The following ADCY9 variants were observed in gnomAD, a reference collection of about 807,000 sequenced individuals.
The protein encoded by ADCY9 is adenylate cyclase type 9.
ADCY9 carries 50 observed loss-of-function variants against 101.5 expected under a neutral mutation model. The observed-to-expected ratio is 0.49, with a 90% CI of 0.39 to 0.62. The LOEUF (loss-of-function observed/expected upper bound fraction) is 0.62, where lower values mean the gene tolerates loss of function less well. Ranked by LOEUF, ADCY9 falls within the 20% of genes least tolerant of loss-of-function variation. The probability of loss-of-function intolerance (pLI) is 0.00; values close to 1 mark genes in which losing one functional copy is unlikely to be tolerated. For synonymous variants in ADCY9, 905 were observed against 769.3 expected, an observed-to-expected ratio of 1.18 and a Z score of -2.92; for missense variants, 1,662 against 1,800.4, an observed-to-expected ratio of 0.92 and a Z score of 1.39.
Position 3,966,573 on chromosome 16 carries a change from G to T in ADCY9, c.3264C>A (p.Leu1088=), listed in dbSNP as rs771254215. ...TTAGGAGCTCGTCAAAGTCCCCGAT[G>T]AGCTCGTTGAGGACCCGGTAGCACT... is the stretch of plus-strand genomic sequence containing the variant. ...GKECYRVLNE[L]IGDFDELLSK... Residue 1088 remains leucine, a synonymous_variant, in exon 11 of 11, where the codon CTC becomes CTA. Transcript: ENST00000294016. 1.2e-6 allele frequency: 2 copies of T among 1,614,030 alleles called. No homozygotes were observed. Among genetic ancestry groups the T allele is most frequent in the South Asian group, 2.2e-5 (2 of 91,074 alleles).
chr16:4,055,965 G>C (rs890614202), intron 2 of ADCY9, among the ~76,000 whole-genome samples: 4 of 152,132 alleles, frequency 2.6e-5, no homozygotes, highest in African/African-American at 4.8e-5. Context: ...GCGCTGCAAC[G>C]ACTGGGTGAC....
intron 2 of ADCY9, among the ~76,000 whole-genome samples, chr16:4,038,027 A>T (rs964585106): frequency 2.0e-5 from 3 of 152,194 alleles, no homozygotes; most frequent in South Asian, 2.1e-4. Context: ...TAATCCCAAC[A>T]GTTTGGGAGG....
rs2055991136 is a variant in ADCY9, at chr16:3,966,086, T to C, written c.3751A>G (p.Ile1251Val). The change falls in exon 11 of 11, where the codon ATC becomes GTC. Residue 1251 changes from isoleucine to valine, a missense_variant. Coordinates refer to ENST00000294016, the MANE Select transcript of ADCY9 (RefSeq NM_001116.4). ...GAGATGGACAGCTGGTGCTGTGGGA[T>C]GACCCTGTGATCCGTGCACTTTGGG... ...LYPKCTDHRV[I>V]PQHQLSISPD... The C allele has an allele frequency of 6.2e-7, 1 of 1,614,128 alleles. No homozygotes were observed. The highest frequency in any genetic ancestry group is 1.7e-5 in the Admixed American group (1 of 60,016).
At chr16:4,052,846 G>A (rs2141151065) in intron 2 of ADCY9, among the ~76,000 whole-genome samples, 1 of 152,264 alleles carries the variant, frequency 6.6e-6, no homozygotes, top group Non-Finnish European at 1.5e-5. Context: ...GCTGGGGCGG[G>A]GTCCCGTTTC....
intron 2 of ADCY9, among the ~76,000 whole-genome samples, chr16:4,108,360 A>ACTTTTTT (rs2057091277): frequency 1.9e-5 from 1 of 53,712 alleles, no homozygotes. Context: ...CCGTTTCTTC[A>ACTTTTTT]TTTTTTTTTT....
At chr16:4,077,941 G>C (rs996120610) in intron 2 of ADCY9, among the ~76,000 whole-genome samples, 1 of 151,726 alleles carries the variant, frequency 6.6e-6, no homozygotes, top group Non-Finnish European at 1.5e-5. Context: ...AGAGGTGGTA[G>C]TGAGCCAAGA....
At chr16:4,078,760 T>C (rs1327410583) in intron 2 of ADCY9, among the ~76,000 whole-genome samples, 2 of 151,972 alleles carry the variant, frequency 1.3e-5, no homozygotes, top group Non-Finnish European at 2.9e-5. Context: ...AAAGACAAAT[T>C]AGAAAATGGG....
chr16:4,029,250 CA>C (rs1390464765), intron 2 of ADCY9, among the ~76,000 whole-genome samples: 2 of 151,626 alleles, frequency 1.3e-5, no homozygotes, highest in South Asian at 2.1e-4. Flanking sequence ...AGAAATAGGA[CA>C]AAAAAAGTCC....
downstream of ADCY9, among the ~76,000 whole-genome samples, chr16:3,961,796 C>T (rs1046445732): frequency 8.5e-5 from 13 of 152,120 alleles, no homozygotes; most frequent in African/African-American, 2.7e-4. Context: ...GAGGCTGAGG[C>T]GCACGGATCA....
In ADCY9 at chr16:3,965,713, C is replaced by T; in HGVS notation, c.*62G>A. On this transcript the variant is annotated 3_prime_UTR_variant, in exon 11 of 11. Coordinates refer to ENST00000294016, the MANE Select transcript of ADCY9 (RefSeq NM_001116.4). ...TGTGGCGCTTGGAAAGCACAACAGC[C>T]AAATACAAATATTACTGTGTTTCGA... 6.7e-7 allele frequency: 1 copy of T among 1,498,272 alleles called. No individual in the cohort carries two copies. Among genetic ancestry groups the T allele is most frequent in the Non-Finnish European group, 9.1e-7 (1 of 1,101,802 alleles). The allele number at this position is 1,498,272 out of a possible 1,614,324, so 92.8% of individuals were successfully genotyped here. A position where few individuals can be genotyped will look rare whatever the true frequency, so the allele number is the denominator to read the frequency against.
chr16:4,055,321 T>C (rs2056730568), intron 2 of ADCY9, among the ~76,000 whole-genome samples: 1 of 151,582 alleles, frequency 6.6e-6, no homozygotes, highest in Admixed American at 6.6e-5. Context: ...TCACTTGAGG[T>C]CAGGAGTTCA....
In ADCY9 at chr16:4,097,555, T is replaced by TA. The variant is rs1567147091; in HGVS notation, c.1693+16194_1693+16195insT. 1.8e-3 allele frequency among the ~76,000 whole-genome samples: 101 copies of TA among 55,022 alleles called. 7 individuals are homozygous for TA. Among genetic ancestry groups the TA allele is most frequent in the African/African-American group, 9.1e-3 (78 of 8,610 alleles). The allele number at this position is 55,022 out of a possible 152,430, so 36.1% of individuals were successfully genotyped here. On this transcript the variant is annotated intron_variant, in intron 2 of 10. Transcript: ENST00000294016. Reference sequence around the variant, plus strand: ...TATATATATATATATATATATATATTTTTTTTTTTTTTTTTTAAGACAGAG... The same window carrying TA: ...TATATATATATATATATATATATATTATTTTTTTTTTTTTTTTAAGACAGAG...
At chr16:4,087,084 CT>C (rs1188705778) in intron 2 of ADCY9, among the ~76,000 whole-genome samples, 2 of 152,082 alleles carry the variant, frequency 1.3e-5, no homozygotes, top group African/African-American at 2.4e-5. Flanking sequence ...CAAGTTATGT[CT>C]TTTACCTGCA....
intron 3 of ADCY9, among the ~76,000 whole-genome samples, chr16:3,998,745 G>GAAAA (rs2056307784): frequency 9.8e-5 from 4 of 40,682 alleles, no homozygotes; most frequent in Non-Finnish European, 1.0e-4. Context: ...AGAAAAGAAA[G>GAAAA]AAAGAAAGAA....
At chr16:4,023,929 G>T (rs979898970) in intron 2 of ADCY9, among the ~76,000 whole-genome samples, 3 of 152,096 alleles carry the variant, frequency 2.0e-5, no homozygotes, top group African/African-American at 7.2e-5. Context: ...AGAGGCATCT[G>T]ACTTACATGC....
At chr16:3,985,184 G>A (rs1481918802) in intron 6 of ADCY9, among the ~76,000 whole-genome samples, 3 of 141,162 alleles carry the variant, frequency 2.1e-5, no homozygotes, top group Non-Finnish European at 3.0e-5. Context: ...GCTGTCGCCA[G>A]GCTGGAGTGC....
At chr16:4,033,719 G>T (rs1056236861) in intron 2 of ADCY9, among the ~76,000 whole-genome samples, 2 of 152,128 alleles carry the variant, frequency 1.3e-5, no homozygotes, top group African/African-American at 2.4e-5. Context: ...GCTGACAACA[G>T]TTATCTATGT....
intron 2 of ADCY9, among the ~76,000 whole-genome samples, chr16:4,092,724 CACTT>C (rs1236055830): frequency 2.0e-5 from 3 of 152,196 alleles, no homozygotes; most frequent in African/African-American, 7.2e-5. Flanking sequence ...CTAGCAACCT[CACTT>C]ACTCAGACTA....
chr16:4,114,108 G>A lies in ADCY9; in HGVS notation c.1335C>T (p.Tyr445=), dbSNP rs1410909710. 3.1e-6 allele frequency: 5 copies of A among 1,613,882 alleles called. No homozygotes were observed. Residue 445 remains tyrosine, a synonymous_variant, in exon 2 of 11, where the codon TAC becomes TAT. Coordinates refer to ENST00000294016, the MANE Select transcript of ADCY9 (RefSeq NM_001116.4). This position sits in a 1 kb window ranked among gnomAD's most constrained non-coding sequence, Gnocchi z 4.3. ...CEKISTLGDC[Y]YCVAGCPEPR... The stretch of plus-strand genomic sequence containing the variant: ...GCTCGGGACAGCCCGCCACGCAGTA[G>A]TAACAGTCTCCCAGGGTGCTGATTT...
Sources: allele counts gnomAD v4.1 joint callset (sites outside exome capture counted in the v4.1 genomes callset), GRCh38; gene constraint gnomAD v4.1.1; non-coding constraint Gnocchi (gnomAD v3.1); transcripts MANE v1.5; gene names NCBI Gene and HGNC (gene_info 2026-07-23, HGNC 2026-07-21).